Variants in IL1RN observed in about 807,000 individuals in gnomAD.
IL1RN encodes interleukin 1 receptor antagonist.
A neutral mutation model predicts 13.7 loss-of-function variants in IL1RN; 10 were observed. The observed-to-expected ratio is 0.73, with a 90% CI of 0.45 to 1.24. The LOEUF (loss-of-function observed/expected upper bound fraction) is 1.24. Ranked by LOEUF, IL1RN falls within the 50% of genes most tolerant of loss-of-function variation. IL1RN has a pLI of 0.00. For missense variants in IL1RN, 213 were observed against 222.1 expected (o/e 0.96, Z 0.26); for synonymous variants, 102 against 82.7 (o/e 1.23, Z -1.27).
upstream of IL1RN, among the ~76,000 whole-genome samples, chr2:113,114,839 A>G (rs1218537254): frequency 6.6e-6 from 1 of 152,208 alleles, no homozygotes; most frequent in Non-Finnish European, 1.5e-5. Context: ...GGAGGATCAC[A>G]TAAATGCAGA....
At chr2:113,105,231 A>C (rs1340692480), upstream of IL1RN, among the ~76,000 whole-genome samples, 1 of 152,148 alleles carries the variant, frequency 6.6e-6, no homozygotes, top group African/African-American at 2.4e-5. Context: ...GAACACGATG[A>C]GTCAGGAGCT....
At chr2:113,110,565 G>A (rs561649236), upstream of IL1RN, among the ~76,000 whole-genome samples, 8 of 152,252 alleles carry the variant, frequency 5.3e-5, no homozygotes, top group Middle Eastern at 0.01. Context: ...TATGACTCCC[G>A]AGGCATTGGA....
chr2:113,120,088 T>C (rs1247680804), exon 2 of IL1RN: 3 of 1,611,666 alleles, frequency 1.9e-6, no homozygotes, highest in East Asian at 4.5e-5. Flanking sequence ...AAGAAGGAGG[T>C]GGAGGAGGAG....
intron 1 of IL1RN, among the ~76,000 whole-genome samples, chr2:113,129,188 A>G (rs1687069519): frequency 6.6e-6 from 1 of 152,240 alleles, no homozygotes; most frequent in Admixed American, 6.5e-5. Flanking sequence ...TAAAGAGGTC[A>G]ATAGCCACAT....
chr2:113,100,342 G>A, the IL1RN span, among the ~76,000 whole-genome samples: 68,650 of 134,286 alleles, frequency 0.51, 17,424 homozygotes, highest in African/African-American at 0.7. Context: ...AAAAAAAAAA[G>A]GCTGGAAAAC....
At chr2:113,128,423 T>G (rs1687041798) in intron 1 of IL1RN, among the ~76,000 whole-genome samples, 1 of 152,112 alleles carries the variant, frequency 6.6e-6, no homozygotes, top group African/African-American at 2.4e-5. Context: ...TTGGGGTGAC[T>G]TCTCCCCCAC....
At chr2:113,127,869 T>G (rs561479628) in intron 1 of IL1RN, 129 bp downstream of exon 1, 378 of 860,578 alleles carry the variant, frequency 4.4e-4, no homozygotes, top group Admixed American at 6.1e-4. Flanking sequence ...GGATGTCCAT[T>G]ATTCAAGAAA....
upstream of IL1RN, among the ~76,000 whole-genome samples, chr2:113,127,095 G>A (rs368632190): frequency 2.6e-5 from 4 of 152,312 alleles, no homozygotes; most frequent in East Asian, 5.8e-4. Flanking sequence ...AGTAATCGTG[G>A]CGCACAAAAC....
intron 3 of IL1RN, 147 bp downstream of exon 3, chr2:113,131,304 C>A: frequency 1.4e-6 from 1 of 690,844 alleles, no homozygotes; most frequent in South Asian, 1.6e-5. Context: ...ACTTTGGAAG[C>A]TGCATTCAGC....
upstream of IL1RN, among the ~76,000 whole-genome samples, chr2:113,103,284 C>A (rs10207930): frequency 0.55 from 84,261 of 152,026 alleles, 24,715 homozygotes; most frequent in African/African-American, 0.76. Flanking sequence ...CTGTGTCCTA[C>A]TGTCTAGAGT....
chr2:113,102,707 C>G (rs1275479257), upstream of IL1RN, among the ~76,000 whole-genome samples: 1 of 151,788 alleles, frequency 6.6e-6, no homozygotes, highest in Non-Finnish European at 1.5e-5. Context: ...GGGGGTTTCT[C>G]TCTTTGGGCA....
At chr2:113,123,764 T>C (rs554254650), upstream of IL1RN, among the ~76,000 whole-genome samples, 2 of 152,348 alleles carry the variant, frequency 1.3e-5, no homozygotes, top group South Asian at 4.1e-4. Context: ...TGGATTTGAA[T>C]CAGGGGCAGC....
At chr2:113,126,513 GA>G (rs1407807748), upstream of IL1RN, among the ~76,000 whole-genome samples, 1 of 152,200 alleles carries the variant, frequency 6.6e-6, no homozygotes, top group Non-Finnish European at 1.5e-5. Context: ...AGATCATGCA[GA>G]AATTCTCTTC....
Position 113,133,381 on chromosome 2 carries a change from C to A in IL1RN, c.*510C>A. Reference sequence around the variant, plus strand: ...TTTTTTCAGTCCCCGTGAAGGAGAGCCCTTCATTTGGAGATTATGTTCTTT... The same window carrying A: ...TTTTTTCAGTCCCCGTGAAGGAGAGACCTTCATTTGGAGATTATGTTCTTT... On this transcript the variant is annotated 3_prime_UTR_variant, in exon 4 of 4. Coordinates refer to ENST00000409930, the MANE Select transcript of IL1RN (RefSeq NM_173842.3). The A allele has an allele frequency of 6.0e-6, 1 of 165,610 alleles. No individual in the cohort carries two copies. The highest frequency in any genetic ancestry group is 5.7e-5 in the Admixed American group (1 of 17,680). 10.3% of individuals were successfully genotyped at this position (165,610 alleles called of 1,614,324 possible). A position where few individuals can be genotyped will look rare whatever the true frequency, so the allele number is the denominator to read the frequency against.
Position 113,133,216 on chromosome 2 carries a change from A to C in IL1RN, c.*345A>C. 6 of 391,868 alleles carry C rather than the reference A, an allele frequency of 1.5e-5. No homozygotes were observed. The highest frequency in any genetic ancestry group is 8.5e-4 in the Middle Eastern group (1 of 1,176). The allele number at this position is 391,868 out of a possible 1,614,324, so 24.3% of individuals were successfully genotyped here. ...TCTTCCTCCCTCATTCCACCTTCCC[A>C]TGCCCTGGATCCATCAGGCCACTTG... On this transcript the variant is annotated 3_prime_UTR_variant, in exon 4 of 4. Transcript: ENST00000409930.
chr2:113,130,897 C>T (rs1687143077), intron 2 of IL1RN, 148 bp from the exon 3 acceptor site: 3 of 681,952 alleles, frequency 4.4e-6, no homozygotes. Flanking sequence ...TATTTACCTG[C>T]AGACCAGGAA....
chr2:113,132,790 A>G lies in IL1RN; in HGVS notation c.453A>G (p.Glu151=). 1 of 1,614,260 alleles carries G rather than the reference A, an allele frequency of 6.2e-7. No individual in the cohort carries two copies. The highest frequency in any genetic ancestry group is 8.5e-7 in the Non-Finnish European group (1 of 1,180,042). Residue 151 remains glutamate, a synonymous_variant, in exon 4 of 4, where the codon GAA becomes GAG. Transcript: ENST00000409930. ...GTTGGTTCCTCTGCACAGCGATGGA[A>G]GCTGACCAGCCCGTCAGCCTCACCA... ...CPGWFLCTAM[E]ADQPVSLTNM... is the part of the protein sequence containing the mutation.
chr2:113,126,883 TA>T (rs1434984345), upstream of IL1RN, among the ~76,000 whole-genome samples: 2 of 152,176 alleles, frequency 1.3e-5, no homozygotes, highest in Non-Finnish European at 2.9e-5. Context: ...CCCGAGACCA[TA>T]ACTTTAAAGA....
At chr2:113,107,790 T>C (rs315925), upstream of IL1RN, among the ~76,000 whole-genome samples, 138,027 of 152,220 alleles carry the variant, frequency 0.91, 63,147 homozygotes, top group African/African-American at 0.94. Flanking sequence ...AAGACATTTC[T>C]GGATAAACAG....
Sources: allele counts gnomAD v4.1 joint callset (sites outside exome capture counted in the v4.1 genomes callset), GRCh38; gene constraint gnomAD v4.1.1; transcripts MANE v1.5; gene names NCBI Gene and HGNC (gene_info 2026-07-23, HGNC 2026-07-21).